The following PVT1 variants were observed in gnomAD, a reference collection of about 807,000 sequenced individuals.
PVT1 encodes the protein Pvt1 oncogene, also known as CXCR4/PVT1 fusion.
At chr8:127,844,114 C>G (rs1815004233) in intron 2 of PVT1, among the ~76,000 whole-genome samples, 1 of 151,924 alleles carries the variant, frequency 6.6e-6, no homozygotes. Flanking sequence ...TCCTGAGTAG[C>G]TGGGACTACA....
At chr8:128,044,260 T>C (rs1369633103) in intron 4 of PVT1, among the ~76,000 whole-genome samples, 1 of 151,746 alleles carries the variant, frequency 6.6e-6, no homozygotes, top group East Asian at 1.9e-4. Flanking sequence ...ATAGCACCTA[T>C]CATCATCTGA....
intron 2 of PVT1, among the ~76,000 whole-genome samples, chr8:127,820,748 C>T (rs1164165503): frequency 1.3e-5 from 2 of 151,156 alleles, no homozygotes; most frequent in Non-Finnish European, 2.9e-5. Flanking sequence ...CTCGCTTTGT[C>T]GCCCAGGCTG....
At chr8:127,900,557 G>A (rs773783581) in intron 3 of PVT1, among the ~76,000 whole-genome samples, 8 of 152,176 alleles carry the variant, frequency 5.3e-5, no homozygotes, top group Non-Finnish European at 1.2e-4. Flanking sequence ...GTGACATAAC[G>A]TATAAGATGT....
intron 2 of PVT1, among the ~76,000 whole-genome samples, chr8:127,820,161 A>G (rs1814713199): frequency 6.6e-6 from 1 of 152,170 alleles, no homozygotes; most frequent in Non-Finnish European, 1.5e-5. Context: ...CTGATCTGTA[A>G]TAGGGAAGGG....
At chr8:128,002,653 C>A (rs1817194153) in intron 4 of PVT1, among the ~76,000 whole-genome samples, 1 of 152,116 alleles carries the variant, frequency 6.6e-6, no homozygotes, top group South Asian at 2.1e-4. Context: ...CCTCCTGTGT[C>A]CTCTCCTGTG....
intron 5 of PVT1, among the ~76,000 whole-genome samples, chr8:128,081,523 A>T (rs1281696023): frequency 3.9e-5 from 6 of 152,224 alleles, no homozygotes; most frequent in Non-Finnish European, 1.5e-5. Flanking sequence ...CACTAACATG[A>T]TTAATCCTCA....
intron 4 of PVT1, among the ~76,000 whole-genome samples, chr8:128,067,295 T>G (rs1173502627): frequency 2.0e-5 from 3 of 152,104 alleles, no homozygotes; most frequent in African/African-American, 7.2e-5. Context: ...TTTAAAGAGT[T>G]GATTGGATTG....
chr8:127,933,794 T>TG (rs1456480865), intron 3 of PVT1, among the ~76,000 whole-genome samples: 1 of 152,172 alleles, frequency 6.6e-6, no homozygotes, highest in Non-Finnish European at 1.5e-5. Context: ...CAGAACTGTG[T>TG]GGGGATGTTG....
chr8:128,027,296 C>T (rs1158460664), intron 4 of PVT1, among the ~76,000 whole-genome samples: 2 of 152,198 alleles, frequency 1.3e-5, no homozygotes, highest in Non-Finnish European at 2.9e-5. Context: ...CCTAGAGTGC[C>T]AGGCTCTGTG....
intron 4 of PVT1, among the ~76,000 whole-genome samples, chr8:128,051,164 C>T (rs1046716254): frequency 7.2e-5 from 11 of 152,184 alleles, no homozygotes; most frequent in African/African-American, 2.7e-4. Flanking sequence ...GTCTGTGCTT[C>T]ACACTGGAGT....
intron 2 of PVT1, among the ~76,000 whole-genome samples, chr8:127,817,013 C>A (rs760660306): frequency 9.9e-5 from 15 of 151,950 alleles, no homozygotes; most frequent in Non-Finnish European, 2.1e-4. Context: ...GGTGTCCCCC[C>A]ACCCCCTCCC....
chr8:128,080,836 C>T (rs1408133367), intron 5 of PVT1, among the ~76,000 whole-genome samples: 1 of 152,004 alleles, frequency 6.6e-6, no homozygotes, highest in African/African-American at 2.4e-5. Flanking sequence ...AGAGTTTTAT[C>T]GTTTTAAATT....
At chr8:128,014,057 C>G (rs1179720111) in intron 4 of PVT1, among the ~76,000 whole-genome samples, 2 of 152,056 alleles carry the variant, frequency 1.3e-5, no homozygotes, top group African/African-American at 2.4e-5. Context: ...CAGTGGGGAC[C>G]CAAGTGTTAG....
At chr8:127,955,383 G>A (rs1284459387) in intron 3 of PVT1, among the ~76,000 whole-genome samples, 1 of 152,176 alleles carries the variant, frequency 6.6e-6, no homozygotes, top group Non-Finnish European at 1.5e-5. Context: ...TTTTATGGCA[G>A]CCCTAGCAGA....
intron 2 of PVT1, among the ~76,000 whole-genome samples, chr8:127,856,783 G>A (rs1815165855): frequency 6.6e-6 from 1 of 152,242 alleles, no homozygotes; most frequent in African/African-American, 2.4e-5. Flanking sequence ...GAGAGTCACA[G>A]TAACTGGTCC....
chr8:127,942,258 C>A (rs1816361963), intron 3 of PVT1, among the ~76,000 whole-genome samples: 1 of 152,138 alleles, frequency 6.6e-6, no homozygotes, highest in South Asian at 2.1e-4. Flanking sequence ...GGTCGTTGAG[C>A]AATGTGGAAG....
intron 3 of PVT1, among the ~76,000 whole-genome samples, chr8:127,899,533 A>T (rs1375829994): frequency 6.6e-6 from 1 of 152,084 alleles, no homozygotes; most frequent in South Asian, 2.1e-4. Flanking sequence ...GCTTGTTGAG[A>T]TGACAGATGA....
chr8:127,937,330 C>T (rs1227164890), intron 3 of PVT1, among the ~76,000 whole-genome samples: 1 of 151,810 alleles, frequency 6.6e-6, no homozygotes, highest in Non-Finnish European at 1.5e-5. Flanking sequence ...TCACTGCAAC[C>T]TCTGCCTCCT....
intron 4 of PVT1, among the ~76,000 whole-genome samples, chr8:128,038,166 G>A (rs560503086): frequency 5.9e-5 from 9 of 152,088 alleles, no homozygotes; most frequent in Non-Finnish European, 1.3e-4. Flanking sequence ...AATAGACTGA[G>A]GACCCCCGTG....
Sources: allele counts gnomAD v4.1 joint callset (sites outside exome capture counted in the v4.1 genomes callset), GRCh38; gene constraint gnomAD v4.1.1; transcripts MANE v1.5; gene names NCBI Gene and HGNC (gene_info 2026-07-23, HGNC 2026-07-21).